EVL: variants seen among roughly 807,000 people sequenced by gnomAD.
EVL encodes Enah/Vasp-like, also known as ena/VASP-like protein.
In EVL, 21 loss-of-function variants were observed where a neutral mutation model predicts 59.6. That is an observed-to-expected ratio of 0.35 (90% confidence interval 0.25 to 0.51). The LOEUF (loss-of-function observed/expected upper bound fraction) is 0.51, where lower values mean the gene tolerates loss of function less well. Among genes scored for constraint, EVL ranks in the 20% least tolerant of loss-of-function variants. The pLI is 0.97. For missense variants in EVL, 462 were observed against 546.6 expected (o/e 0.85, Z 1.54); for synonymous variants, 198 against 203.5 (o/e 0.97, Z 0.23).
At chr14:100,012,927 T>C (rs1291908457) in intron 1 of EVL, among the ~76,000 whole-genome samples, 1 of 152,256 alleles carries the variant, frequency 6.6e-6, no homozygotes, top group Non-Finnish European at 1.5e-5. Context: ...TCCCCACAAT[T>C]TCAAAATGGG....
chr14:99,998,317 C>T (rs1190361463), intron 1 of EVL, among the ~76,000 whole-genome samples: 2 of 152,116 alleles, frequency 1.3e-5, no homozygotes, highest in Admixed American at 6.6e-5. Flanking sequence ...GCACTCCGCA[C>T]AACAAAATAT....
chr14:99,988,206 G>A (rs1464034446), intron 1 of EVL, among the ~76,000 whole-genome samples: 5 of 151,970 alleles, frequency 3.3e-5, no homozygotes, highest in Non-Finnish European at 7.4e-5. Context: ...GTGAGCCGCC[G>A]TGCCTGGCCA....
At chr14:99,988,922 A>AG (rs35118739) in intron 1 of EVL, among the ~76,000 whole-genome samples, 1 of 152,156 alleles carries the variant, frequency 6.6e-6, no homozygotes, top group Non-Finnish European at 1.5e-5. Flanking sequence ...TGTGGGGCTG[A>AG]GGGTCAGTTT....
intron 4 of EVL, among the ~76,000 whole-genome samples, chr14:100,125,229 C>A (rs1286127839): frequency 6.6e-6 from 1 of 150,852 alleles, no homozygotes; most frequent in Admixed American, 6.6e-5. Context: ...CACAGACACA[C>A]ACACACCTGC....
At chr14:99,975,389 TC>T (rs1451115223) in intron 1 of EVL, among the ~76,000 whole-genome samples, 1 of 152,224 alleles carries the variant, frequency 6.6e-6, no homozygotes, top group African/African-American at 2.4e-5. Context: ...CTTCATGTCT[TC>T]CATTGGTTTT....
chr14:100,119,623 A>T (rs969180294), intron 3 of EVL, among the ~76,000 whole-genome samples: 1 of 152,250 alleles, frequency 6.6e-6, no homozygotes. Context: ...CAGCAGAAAG[A>T]TCAACAGTGT....
chr14:100,055,129 G>C (rs777016714), intron 1 of EVL, among the ~76,000 whole-genome samples: 66 of 151,890 alleles, frequency 4.3e-4, no homozygotes, highest in African/African-American at 7.3e-4. Context: ...AACCTGGGAG[G>C]GGGAGGTTGC....
chr14:99,990,903 A>G (rs557262563), intron 1 of EVL, among the ~76,000 whole-genome samples: 24 of 152,158 alleles, frequency 1.6e-4, no homozygotes, highest in African/African-American at 4.6e-4. Flanking sequence ...ATAGAGAGAG[A>G]GGGGGTGTGT....
chr14:100,127,240 G>A lies in EVL; in HGVS notation c.487+469G>A, dbSNP rs1284773280. On this transcript the variant is annotated intron_variant, in intron 5 of 13. Transcript: ENST00000392920. This position sits in a 1 kb window ranked among gnomAD's most constrained non-coding sequence, Gnocchi z 4.2. ...GCGCTGCCACGCGTCTGTCTTGGAC[G>A]TTCGGTGGAGCTTAGCACGTTAAAG... is the stretch of plus-strand genomic sequence containing the variant. 6.6e-6 allele frequency among the ~76,000 whole-genome samples: 1 copy of A among 152,212 alleles called. No homozygotes were observed. The highest frequency in any genetic ancestry group is 1.5e-5 in the Non-Finnish European group (1 of 68,036).
At chr14:100,123,927 A>G (rs375766492) in intron 4 of EVL, among the ~76,000 whole-genome samples, 12 of 152,174 alleles carry the variant, frequency 7.9e-5, no homozygotes, top group Admixed American at 1.3e-4. Context: ...CCCTTCCCCA[A>G]CGTAGCAGGA....
In EVL at chr14:100,138,596, AG is replaced by A. The variant is rs765164935; in HGVS notation, c.1094+795del. 5 of 152,872 alleles carry A rather than the reference AG, an allele frequency of 3.3e-5. No homozygotes were observed. In the East Asian group the frequency reaches 9.6e-4, roughly 29 times the overall value. The allele number at this position is 152,872 out of a possible 1,614,324, so 9.5% of individuals were successfully genotyped here. Reference sequence around the variant, plus strand: ...GCTGAACAGGTGGTGAGAGCAGAGCAGTGCAGGTGGACAGAGATGAGGAAGT... The same window carrying A: ...GCTGAACAGGTGGTGAGAGCAGAGCATGCAGGTGGACAGAGATGAGGAAGT... On this transcript the variant is annotated intron_variant, in intron 11 of 13. Transcript: ENST00000392920.
intron 2 of EVL, among the ~76,000 whole-genome samples, chr14:100,085,709 C>G (rs1383533951): frequency 6.6e-6 from 1 of 152,184 alleles, no homozygotes; most frequent in African/African-American, 2.4e-5. Context: ...AGAACAGAAA[C>G]TCTGGGTTCT....
At chr14:99,990,962 C>T (rs535874843) in intron 1 of EVL, among the ~76,000 whole-genome samples, 2 of 152,136 alleles carry the variant, frequency 1.3e-5, no homozygotes, top group South Asian at 2.1e-4. Flanking sequence ...ATAATTGACC[C>T]TTGAACAACA....
intron 9 of EVL, among the ~76,000 whole-genome samples, chr14:100,136,704 C>G (rs1888816108): frequency 6.6e-6 from 1 of 152,150 alleles, no homozygotes; most frequent in Non-Finnish European, 1.5e-5. Flanking sequence ...AAACTGCACG[C>G]CATGTCCTCT....
chr14:100,030,863 A>G (rs2061303422), intron 1 of EVL, among the ~76,000 whole-genome samples: 1 of 152,198 alleles, frequency 6.6e-6, no homozygotes, highest in African/African-American at 2.4e-5. Context: ...GCCACAGCCC[A>G]TTGCATTATT....
intron 1 of EVL, among the ~76,000 whole-genome samples, chr14:100,067,990 G>C (rs188635331): frequency 1.2e-3 from 187 of 152,312 alleles, no homozygotes; most frequent in Non-Finnish European, 1.8e-3. Context: ...CAGGCAACCA[G>C]TCACCCAGCG....
At chr14:100,099,260 G>T (rs1014578719) in intron 3 of EVL, among the ~76,000 whole-genome samples, 5 of 151,850 alleles carry the variant, frequency 3.3e-5, no homozygotes, top group Admixed American at 6.6e-5. Flanking sequence ...AGTGTTAGGA[G>T]ATCTGGGCAT....
Position 100,141,217 on chromosome 14 carries a change from G to C in EVL, c.1132G>C (p.Asp378His). 6.2e-7 allele frequency: 1 copy of C among 1,613,884 alleles called. No homozygotes were observed. Among genetic ancestry groups the C allele is most frequent in the Non-Finnish European group, 8.5e-7 (1 of 1,179,986 alleles). ...TGGGAGCGTGAATGACATGGCCCTG[G>C]ATGCCTTCGACTTGGACCGGATGAA... The part of the protein sequence containing the change: ...PAGSVNDMAL[D>H]AFDLDRMKQE... Residue 378 changes from aspartate to histidine, a missense_variant, in exon 12 of 14, where the codon GAT (aspartate) becomes CAT (histidine). Asp to His is a moderately conservative substitution (Grantham distance 81). Coordinates refer to ENST00000392920, the MANE Select transcript of EVL (RefSeq NM_016337.3).
chr14:100,100,705 G>C (rs1281844338), intron 3 of EVL, among the ~76,000 whole-genome samples: 1 of 149,748 alleles, frequency 6.7e-6, no homozygotes, highest in Admixed American at 6.7e-5. Flanking sequence ...CTTGAGCCCA[G>C]GAGGCAGAGA....
Sources: allele counts gnomAD v4.1 joint callset (sites outside exome capture counted in the v4.1 genomes callset), GRCh38; gene constraint gnomAD v4.1.1; non-coding constraint Gnocchi (gnomAD v3.1); transcripts MANE v1.5; gene names NCBI Gene and HGNC (gene_info 2026-07-23, HGNC 2026-07-21).